The following BCR variants were observed in gnomAD, a reference collection of about 807,000 sequenced individuals.
The protein encoded by BCR is BCR activator of RhoGEF and GTPase, also known as breakpoint cluster region protein.
Under a neutral mutation model 138.6 loss-of-function variants are expected in BCR, and 58 were observed. The ratio of observed to expected loss-of-function variants is 0.42; its 90% CI spans 0.34 to 0.52. The LOEUF (loss-of-function observed/expected upper bound fraction) is 0.52. BCR is among the 20% of genes least tolerant of loss of function. BCR has a pLI of 0.06. For synonymous variants in BCR, 786 were observed against 730.1 expected (o/e 1.08, Z -1.23); for missense variants, 1,599 against 1,727.2 (o/e 0.93, Z 1.32).
intron 18 of BCR, among the ~76,000 whole-genome samples, chr22:23,310,903 C>G (rs2146328167): frequency 6.6e-6 from 1 of 151,102 alleles, no homozygotes; most frequent in East Asian, 2.0e-4. Context: ...CAGTCATACC[C>G]TGGACTCCTA....
intron 1 of BCR, among the ~76,000 whole-genome samples, chr22:23,250,722 T>C (rs2073215262): frequency 6.6e-6 from 1 of 152,180 alleles, no homozygotes; most frequent in Non-Finnish European, 1.5e-5. Flanking sequence ...ATCCATTGTC[T>C]AGTTCACATG....
intron 1 of BCR, among the ~76,000 whole-genome samples, chr22:23,250,200 G>A (rs1232778620): frequency 6.6e-6 from 1 of 152,140 alleles, no homozygotes; most frequent in Non-Finnish European, 1.5e-5. Context: ...TTGCTGGGCT[G>A]ACTCCCTACT....
chr22:23,284,140 C>G, intron 9 of BCR, 42 bp downstream of exon 9: 3 of 1,608,428 alleles, frequency 1.9e-6, no homozygotes, highest in South Asian at 1.1e-5. Flanking sequence ...TGACCCCACC[C>G]TGACTCTCCA....
chr22:23,282,323 G>T (rs777327950), intron 8 of BCR, among the ~76,000 whole-genome samples: 1 of 152,230 alleles, frequency 6.6e-6, no homozygotes, highest in African/African-American at 2.4e-5. Flanking sequence ...GTCTGCCCTC[G>T]GCAGGCGGGG....
intron 1 of BCR, among the ~76,000 whole-genome samples, chr22:23,252,752 A>G (rs1307088061): frequency 6.6e-6 from 1 of 152,002 alleles, no homozygotes; most frequent in African/African-American, 2.4e-5. Flanking sequence ...TTCTATAGCA[A>G]CCCAACCCCC....
chr22:23,240,302 CGTGTGTGT>C (rs200491524), intron 1 of BCR, among the ~76,000 whole-genome samples: 3,116 of 144,006 alleles, frequency 0.022, 71 homozygotes, highest in African/African-American at 0.057. Context: ...CCTGGCTGAT[CGTGTGTGT>C]GTGTGTGTGT....
chr22:23,182,303 G>A, intron 1 of BCR, 64 bp downstream of exon 1: 1 of 1,450,328 alleles, frequency 6.9e-7, no homozygotes, highest in Non-Finnish European at 9.1e-7. Flanking sequence ...TAGACGAGTA[G>A]GGGATACAAA....
intron 21 of BCR, 62 bp from the exon 22 acceptor site, chr22:23,314,490 C>G: frequency 6.3e-7 from 1 of 1,584,560 alleles, no homozygotes; most frequent in Non-Finnish European, 8.6e-7. Flanking sequence ...CACAGCCCAG[C>G]CCCTCTGCCT....
At chr22:23,248,509 C>A (rs1259029847) in intron 1 of BCR, among the ~76,000 whole-genome samples, 5 of 151,910 alleles carry the variant, frequency 3.3e-5, no homozygotes, top group African/African-American at 1.2e-4. Context: ...CTGACTGGGA[C>A]CTAACCAGGC....
Position 23,317,387 on chromosome 22 carries a change from G to A in BCR, c.*1865G>A. On this transcript the variant is annotated 3_prime_UTR_variant, in exon 23 of 23. Coordinates refer to ENST00000305877, the MANE Select transcript of BCR (RefSeq NM_004327.4). Reference sequence around the variant, plus strand: ...GCCTCTGCTCTCTGTACCTATCTGGGCCCGGTGGGCTCCCTTGTCCTGGCT... The same window carrying A: ...GCCTCTGCTCTCTGTACCTATCTGGACCCGGTGGGCTCCCTTGTCCTGGCT... The A allele has an allele frequency of 5.5e-6, 1 of 183,054 alleles. No individual in the cohort carries two copies. The highest frequency in any genetic ancestry group is 1.1e-5 in the Non-Finnish European group (1 of 94,466). The allele number at this position is 183,054 out of a possible 1,614,324, so 11.3% of individuals were successfully genotyped here.
At chr22:23,183,121 T>C (rs1332643296) in intron 1 of BCR, among the ~76,000 whole-genome samples, 1 of 151,498 alleles carries the variant, frequency 6.6e-6, no homozygotes, top group Non-Finnish European at 1.5e-5. Flanking sequence ...ATTAAAACTA[T>C]GGGATTGTAC....
intron 1 of BCR, among the ~76,000 whole-genome samples, chr22:23,189,746 C>T (rs1008655915): frequency 5.3e-5 from 8 of 152,136 alleles, no homozygotes; most frequent in Non-Finnish European, 1.0e-4. Context: ...GTGATCCACC[C>T]GCCTCGGCCT....
chr22:23,233,994 G>C (rs759593165), intron 1 of BCR, among the ~76,000 whole-genome samples: 1 of 152,006 alleles, frequency 6.6e-6, no homozygotes, highest in Admixed American at 6.6e-5. Context: ...TTGTGACTCA[G>C]AAATGAGCTC....
At chr22:23,277,071 G>C (rs150760198) in intron 8 of BCR, among the ~76,000 whole-genome samples, 4 of 152,376 alleles carry the variant, frequency 2.6e-5, no homozygotes, top group South Asian at 2.1e-4. Flanking sequence ...GCCAGGAAAG[G>C]GGGGCAGAAG....
intron 16 of BCR, among the ~76,000 whole-genome samples, chr22:23,307,284 T>A (rs79017965): frequency 6.6e-6 from 1 of 152,032 alleles, no homozygotes. Context: ...ATTTTTTTTT[T>A]ATAGAGACAG....
intron 16 of BCR, chr22:23,306,151 G>T (rs542038334): frequency 1.3e-5 from 2 of 152,264 alleles, no homozygotes; most frequent in Non-Finnish European, 2.9e-5. Context: ...CAGGACCGCC[G>T]TGAGAGCCAG....
At chr22:23,314,112 C>T (rs1345030476) in intron 21 of BCR, 39 bp downstream of exon 21, 2 of 1,528,696 alleles carry the variant, frequency 1.3e-6, no homozygotes, top group Non-Finnish European at 1.8e-6. Context: ...GGCTCCAGGT[C>T]CCCAGGCCGC....
chr22:23,272,107 C>T (rs543419607), intron 6 of BCR, among the ~76,000 whole-genome samples: 79 of 152,238 alleles, frequency 5.2e-4, no homozygotes, highest in Admixed American at 2.0e-3. Context: ...TGTGAGCTAC[C>T]GCACCTGGCA....
intron 1 of BCR, among the ~76,000 whole-genome samples, chr22:23,250,360 C>G (rs1357755295): frequency 6.6e-6 from 1 of 152,230 alleles, no homozygotes; most frequent in African/African-American, 2.4e-5. Flanking sequence ...AAAAGCTGGT[C>G]TAACCCACCT....
Sources: allele counts gnomAD v4.1 joint callset (sites outside exome capture counted in the v4.1 genomes callset), GRCh38; gene constraint gnomAD v4.1.1; transcripts MANE v1.5; gene names NCBI Gene and HGNC (gene_info 2026-07-23, HGNC 2026-07-21).